The following ITPR3 variants were observed in gnomAD, a reference collection of about 807,000 sequenced individuals.
ITPR3 encodes inositol 1,4,5-trisphosphate receptor type 3, also known as inositol 1,4,5-trisphosphate-gated calcium channel ITPR3.
Under a neutral mutation model 293.2 loss-of-function variants are expected in ITPR3, and 173 were observed. The ratio of observed to expected loss-of-function variants is 0.59; its 90% CI spans 0.52 to 0.67. The LOEUF (loss-of-function observed/expected upper bound fraction) is 0.67. Among genes scored for constraint, ITPR3 ranks in the 30% least tolerant of loss-of-function variants. The probability of loss-of-function intolerance (pLI) is 0.00; values close to 1 mark genes in which losing one functional copy is unlikely to be tolerated. For synonymous variants in ITPR3, 1,295 were observed against 1,444.4 expected, an observed-to-expected ratio of 0.90 and a Z score of 2.35; for missense variants, 2,796 against 3,592.1, an observed-to-expected ratio of 0.78 and a Z score of 5.66.
In ITPR3 at chr6:33,675,255, C is replaced by G. The variant is rs9469551; in HGVS notation, c.3117-436C>G. 0.06 allele frequency among the ~76,000 whole-genome samples: 9,179 copies of G among 152,070 alleles called. 279 individuals carry two copies. The highest frequency in any genetic ancestry group is 0.067 in the African/African-American group (2,780 of 41,462). ...TGGCCAACATGGTGAAACCCTGTCT[C>G]TACTAAAAATACAAAAATTAGCCGG... On this transcript the variant is annotated intron_variant, in intron 24 of 57. Coordinates refer to ENST00000605930, the MANE Select transcript of ITPR3 (RefSeq NM_002224.4). The surrounding 1 kb of genome is among the most constrained non-coding windows in gnomAD (Gnocchi z 5.0).
intron 11 of ITPR3, 24 bp downstream of exon 11, chr6:33,663,904 G>T: frequency 6.2e-7 from 1 of 1,613,210 alleles, no homozygotes; most frequent in Non-Finnish European, 8.5e-7. Context: ...ATGTGCCTGG[G>T]AGTTGACTGG....
In ITPR3 at chr6:33,655,648, C is replaced by A; in HGVS notation, c.161-118C>A. 7.5e-7 allele frequency: 1 copy of A among 1,330,772 alleles called. No individual in the cohort carries two copies. The highest frequency in any genetic ancestry group is 1.0e-6 in the Non-Finnish European group (1 of 963,526). 82.4% of individuals were successfully genotyped at this position (1,330,772 alleles called of 1,614,324 possible). ...CCAACCGCTTCCTCTCTACCTGCAG[C>A]GGGGAACGGGGGTGGGGAAGGGTTG... On this transcript the variant is annotated intron_variant, in intron 2 of 57. Coordinates refer to ENST00000605930, the MANE Select transcript of ITPR3 (RefSeq NM_002224.4). This position sits in a 1 kb window ranked among gnomAD's most constrained non-coding sequence, Gnocchi z 4.9.
Position 33,684,575 on chromosome 6 carries a change from G to A in ITPR3, c.5047-23G>A, listed in dbSNP as rs1765171514. On this transcript the variant is annotated intron_variant, in intron 37 of 57. Coordinates refer to ENST00000605930, the MANE Select transcript of ITPR3 (RefSeq NM_002224.4). The surrounding 1 kb of genome is among the most constrained non-coding windows in gnomAD (Gnocchi z 4.2). ...AGTGGTGGGCTGTACCCACAATGGG[G>A]CCTCACTCCCATCCTCCCCCAGGGC... 6.2e-7 allele frequency: 1 copy of A among 1,612,532 alleles called. No individual in the cohort carries two copies. The highest frequency in any genetic ancestry group is 1.3e-5 in the African/African-American group (1 of 74,902).
In ITPR3 at chr6:33,687,505, C is replaced by A; in HGVS notation, c.6205C>A (p.His2069Asn). 1 of 1,611,616 alleles carries A rather than the reference C, an allele frequency of 6.2e-7. No individual in the cohort carries two copies. The highest frequency in any genetic ancestry group is 8.5e-7 in the Non-Finnish European group (1 of 1,179,264). ...CTCCAGGCACAATAAACAGCTGCAG[C>A]ACCTGCTGAAGCCGGTGAAGCGCAT... ...QLSRHNKQLQ[H>N]LLKPVKRIQE... is the part of the protein sequence containing the mutation. The change falls in exon 46 of 58, where the codon CAC becomes AAC. Residue 2069 changes from histidine (H) to asparagine (N), a missense_variant. His to Asn is a moderately conservative substitution (Grantham distance 68, BLOSUM62 1). Transcript: ENST00000605930. This position sits in a 1 kb window ranked among gnomAD's most constrained non-coding sequence, Gnocchi z 5.3.
In ITPR3 at chr6:33,655,890, A is replaced by ATG. The variant is rs149835704; in HGVS notation, c.282+14_282+15dup. 1.9e-3 allele frequency: 2,985 copies of ATG among 1,613,244 alleles called. 19 individuals carry two copies. Among genetic ancestry groups the ATG allele is most frequent in the Middle Eastern group, 0.014 (87 of 6,058 alleles). On this transcript the variant is annotated splice_donor_region_variant and intron_variant, in intron 3 of 57. Transcript: ENST00000605930. The surrounding 1 kb of genome is among the most constrained non-coding windows in gnomAD (Gnocchi z 4.9). ...TGGTGTTGCTGCAGAAGCTGCAGGT[A>ATG]TGTGTGTGTGTGCAGGCGTGCATCT...
chr6:33,666,032 C>T lies in ITPR3; in HGVS notation c.1551+56C>T. On this transcript the variant is annotated intron_variant, in intron 14 of 57. Coordinates refer to ENST00000605930, the MANE Select transcript of ITPR3 (RefSeq NM_002224.4). This position sits in a 1 kb window ranked among gnomAD's most constrained non-coding sequence, Gnocchi z 5.1. ...GGGCCGGGTGCCCGGGAGAGGGATG[C>T]CTTCAACTGCAGGCTCATCCCCCGC... 6.5e-7 allele frequency: 1 copy of T among 1,535,454 alleles called. No individual in the cohort carries two copies. Among genetic ancestry groups the T allele is most frequent in the Non-Finnish European group, 8.8e-7 (1 of 1,134,476 alleles).
chr6:33,679,545 T>G lies in ITPR3; in HGVS notation c.3973-337T>G, dbSNP rs796596860. On this transcript the variant is annotated intron_variant, in intron 30 of 57. Transcript: ENST00000605930. This position sits in a 1 kb window ranked among gnomAD's most constrained non-coding sequence, Gnocchi z 4.2. ...GAGGTGTGTGCTCAGTGAGGAGGGTTTAAGTAACTGCTGCGGGAGCACAGG... is the reference window on the plus strand; with the variant it reads ...GAGGTGTGTGCTCAGTGAGGAGGGTGTAAGTAACTGCTGCGGGAGCACAGG... 5.3e-5 allele frequency among the ~76,000 whole-genome samples: 8 copies of G among 152,186 alleles called. No individual in the cohort carries two copies. The highest frequency in any genetic ancestry group is 1.9e-4 in the African/African-American group (8 of 41,502).
Position 33,658,796 on chromosome 6 carries a change from C to A in ITPR3, c.496C>A (p.Pro166Thr). 6.2e-7 allele frequency: 1 copy of A among 1,614,166 alleles called. No individual in the cohort carries two copies. The highest frequency in any genetic ancestry group is 8.5e-7 in the Non-Finnish European group (1 of 1,180,028). ...CGAGGGTTCCTGGCTCTTCATCCAG[C>A]CCTTCTGGAAGCTGCGGAGCAACGG... is the stretch of plus-strand genomic sequence containing the variant. ...GNEGSWLFIQ[P>T]FWKLRSNGDN... Residue 166 changes from proline (P) to threonine (T), a missense_variant, in exon 5 of 58, where the codon CCC becomes ACC. By Grantham distance (38) the Pro-to-Thr change is conservative (BLOSUM62 -1). This residue lies in a region of ITPR3 where 144 missense variants were observed against 230.8 expected (regional missense o/e 0.62). Transcript: ENST00000605930. This position sits in a 1 kb window ranked among gnomAD's most constrained non-coding sequence, Gnocchi z 6.1.
At chr6:33,647,837 C>T (rs1764102721) in intron 2 of ITPR3, among the ~76,000 whole-genome samples, 1 of 152,090 alleles carries the variant, frequency 6.6e-6, no homozygotes, top group Non-Finnish European at 1.5e-5. Context: ...CTTCTGTGGT[C>T]ATTTTATGTA....
rs1763724047 is a variant in ITPR3, at chr6:33,633,184, A to G, written c.90-7300A>G. 6.6e-6 allele frequency among the ~76,000 whole-genome samples: 1 copy of G among 152,058 alleles called. No individual in the cohort carries two copies. Among genetic ancestry groups the G allele is most frequent in the African/African-American group, 2.4e-5 (1 of 41,408 alleles). Reference sequence around the variant, plus strand: ...GGGCGTGGGCAGGGAACCACACGGGAGCCTCAGCTTGGCCTTGAGATGGCA... The same window carrying G: ...GGGCGTGGGCAGGGAACCACACGGGGGCCTCAGCTTGGCCTTGAGATGGCA... On this transcript the variant is annotated intron_variant, in intron 1 of 57. Transcript: ENST00000605930. The surrounding 1 kb of genome is among the most constrained non-coding windows in gnomAD (Gnocchi z 5.2).
Position 33,632,723 on chromosome 6 carries a change from G to T in ITPR3, c.90-7761G>T, listed in dbSNP as rs1763711069. Among the ~76,000 whole-genome samples the T allele has an allele frequency of 6.6e-6, 1 of 152,244 alleles. No homozygotes were observed. Among genetic ancestry groups the T allele is most frequent in the Non-Finnish European group, 1.5e-5 (1 of 68,046 alleles). ...CCTCTGCTGTTCAGACTGGTCTTGT[G>T]CCTCCCAGTGGATGGAAGGCGCACT... is the stretch of plus-strand genomic sequence containing the variant. On this transcript the variant is annotated intron_variant, in intron 1 of 57. Coordinates refer to ENST00000605930, the MANE Select transcript of ITPR3 (RefSeq NM_002224.4). This position sits in a 1 kb window ranked among gnomAD's most constrained non-coding sequence, Gnocchi z 4.1.
chr6:33,680,798 G>A (rs1765053119), intron 33 of ITPR3, 118 bp downstream of exon 33: 12 of 1,211,468 alleles, frequency 9.9e-6, no homozygotes, highest in Non-Finnish European at 1.4e-5. Context: ...GTAACAAAAG[G>A]ATACATAAGT....
At position 33,651,937 on chromosome 6, in the gene ITPR3, G is replaced by A. The variant is rs559796634; in HGVS notation, c.161-3829G>A. On this transcript the variant is annotated intron_variant, in intron 2 of 57. Transcript: ENST00000605930. ...AAGGTCGGAAAAGCTTGAGACCCCTGCTCTAGGGGCTGTACCTGTCCCTTT... is the reference window on the plus strand; with the variant it reads ...AAGGTCGGAAAAGCTTGAGACCCCTACTCTAGGGGCTGTACCTGTCCCTTT... 1.5e-3 allele frequency among the ~76,000 whole-genome samples: 233 copies of A among 152,262 alleles called. 2 individuals are homozygous for A. Among genetic ancestry groups the A allele is most frequent in the African/African-American group, 5.4e-3 (226 of 41,534 alleles).
Position 33,689,322 on chromosome 6 carries a change from G to C in ITPR3, c.6779G>C (p.Ser2260Thr). The C allele has an allele frequency of 6.2e-7, 1 of 1,612,814 alleles. No homozygotes were observed. The highest frequency in any genetic ancestry group is 1.1e-5 in the South Asian group (1 of 91,088). The change falls in exon 50 of 58, where the codon AGC becomes ACC. Residue 2260 changes from serine to threonine, a missense_variant. By Grantham distance (58) the Ser-to-Thr change is moderately conservative (BLOSUM62 1). This residue lies in a region of ITPR3 where 568 missense variants were observed against 796.1 expected (regional missense o/e 0.71). Transcript: ENST00000605930. ...SIAALFTKRY[S>T]IRPLIVALIL... ...GCGGCCCTGTTCACCAAGCGCTACA[G>C]CATCCGCCCCCTCATCGTGGCGCTC...
chr6:33,694,723 G>GT, intron 56 of ITPR3: 1 of 612,156 alleles, frequency 1.6e-6, no homozygotes. Flanking sequence ...CTCGGTGGCA[G>GT]AGGGTTGACA....
At position 33,674,281 on chromosome 6, in the gene ITPR3, A is replaced by G. The variant is rs766867125; in HGVS notation, c.3116+16A>G. On this transcript the variant is annotated intron_variant, in intron 24 of 57. Transcript: ENST00000605930. ...TTGGAGTGGGGTGAGGCCAGGGTTG[A>G]GCTGCAGGGGTGTGTGGGGTTGGGA... 3.1e-5 allele frequency: 50 copies of G among 1,613,106 alleles called. No individual in the cohort carries two copies. The Admixed American group carries it at 8.3e-4, about 27-fold the overall frequency.
Position 33,684,267 on chromosome 6 carries a change from C to G in ITPR3, c.4938-90C>G. The G allele has an allele frequency of 1.9e-6, 3 of 1,594,560 alleles. No individual in the cohort carries two copies. The South Asian group carries it at 3.3e-5, about 18-fold the overall frequency. On this transcript the variant is annotated intron_variant, in intron 36 of 57. Coordinates refer to ENST00000605930, the MANE Select transcript of ITPR3 (RefSeq NM_002224.4). This position sits in a 1 kb window ranked among gnomAD's most constrained non-coding sequence, Gnocchi z 4.2. ...AGACAGGCTCACTGGGTCAGAGGGC[C>G]TGGGGGTGTTCCTGCCTGGGATGGG...
chr6:33,636,052 C>T (rs968534454), intron 1 of ITPR3, among the ~76,000 whole-genome samples: 3 of 144,320 alleles, frequency 2.1e-5, no homozygotes, highest in African/African-American at 2.7e-5. Context: ...TTTGGGAGGC[C>T]GATGCAGGTG....
Position 33,640,550 on chromosome 6 carries a change from C to A in ITPR3, c.156C>A (p.Phe52Leu). 3.1e-6 allele frequency: 5 copies of A among 1,612,604 alleles called. No individual in the cohort carries two copies. Among genetic ancestry groups the A allele is most frequent in the Non-Finnish European group, 4.2e-6 (5 of 1,179,284 alleles). ...ACCTGGACAACCCCCCTAAGAAGTT[C>A]CGTGGTAAGACCTCCGCTTCCTCTG... ...AGDLDNPPKK[F>L]RDCLFKVCPM... The change falls in exon 2 of 58, where the codon TTC (phenylalanine) becomes TTA (leucine). Residue 52 changes from phenylalanine (F) to leucine (L), a missense_variant. Transcript: ENST00000605930.
Sources: allele counts gnomAD v4.1 joint callset (sites outside exome capture counted in the v4.1 genomes callset), GRCh38; gene constraint gnomAD v4.1.1; regional missense constraint gnomAD v4.1.1; non-coding constraint Gnocchi (gnomAD v3.1); transcripts MANE v1.5; gene names NCBI Gene and HGNC (gene_info 2026-07-23, HGNC 2026-07-21).